PKHD1L1: variants seen among roughly 807,000 people sequenced by gnomAD.
PKHD1L1 encodes the protein fibrocystin-L.
A neutral mutation model predicts 462.9 loss-of-function variants in PKHD1L1; 434 were observed. That is an observed-to-expected ratio of 0.94 (90% CI 0.87 to 1.02). The LOEUF is 1.02. Among genes scored for constraint, PKHD1L1 ranks in the 50% least tolerant of loss-of-function variants. The probability of loss-of-function intolerance (pLI) is 0.00; values close to 1 mark genes in which losing one functional copy is unlikely to be tolerated. For synonymous variants in PKHD1L1, 1,781 were observed against 1,750.0 expected (o/e 1.02, Z -0.44); for missense variants, 5,202 against 5,096.1 (o/e 1.02, Z -0.63).
Position 109,534,319 on chromosome 8 carries a change from C to T in PKHD1L1, c.*4229C>T, listed in dbSNP as rs1821104021. 6.6e-6 allele frequency among the ~76,000 whole-genome samples: 1 copy of T among 152,146 alleles called. No individual in the cohort carries two copies. The highest frequency in any genetic ancestry group is 1.5e-5 in the Non-Finnish European group (1 of 68,024). On this transcript the variant is annotated 3_prime_UTR_variant, in exon 78 of 78. Coordinates refer to ENST00000378402, the MANE Select transcript of PKHD1L1 (RefSeq NM_177531.6). Reference sequence around the variant, plus strand: ...CTACTAAAAATACAAAAAAATTAGCCAGGCATGGTGGCGGGCACCTGTAGT... The same window carrying T: ...CTACTAAAAATACAAAAAAATTAGCTAGGCATGGTGGCGGGCACCTGTAGT...
At position 109,408,081 on chromosome 8, in the gene PKHD1L1, G is replaced by T. The variant is rs868433377; in HGVS notation, c.1846G>T (p.Glu616Ter). Residue 616 changes from glutamate to a stop codon, truncating the protein, a stop_gained, in exon 18 of 78, where the codon GAA (glutamate) becomes TAA (stop). Transcript: ENST00000378402. LOFTEE classifies it high-confidence loss of function. ...TGATCTGCTTGGTTATGAAGTAGTT[G>T]AAGGGAATAATGTCACACTGGATAT... The part of the protein sequence containing the change: ...DFDLLGYEVV[E>*]GNNVTLDITE... 6.2e-7 allele frequency: 1 copy of T among 1,610,396 alleles called. No individual in the cohort carries two copies. The highest frequency in any genetic ancestry group is 1.3e-5 in the African/African-American group (1 of 74,770).
intron 73 of PKHD1L1, among the ~76,000 whole-genome samples, chr8:109,521,189 G>A (rs1400738078): frequency 6.6e-6 from 1 of 152,138 alleles, no homozygotes; most frequent in Non-Finnish European, 1.5e-5. Flanking sequence ...CAGACCTGCT[G>A]GCCCAAGACG....
intron 62 of PKHD1L1, among the ~76,000 whole-genome samples, chr8:109,492,352 G>C (rs1818875312): frequency 1.3e-5 from 2 of 151,684 alleles, no homozygotes; most frequent in South Asian, 4.1e-4. Context: ...GATTCTACAG[G>C]CAAGGTTATT....
chr8:109,477,728 T>C (rs1029640256), intron 53 of PKHD1L1, among the ~76,000 whole-genome samples: 18 of 152,152 alleles, frequency 1.2e-4, no homozygotes, highest in Non-Finnish European at 2.4e-4. Context: ...ATCACAGAGC[T>C]CACTGATGGC....
intron 14 of PKHD1L1, among the ~76,000 whole-genome samples, chr8:109,403,850 G>A (rs371090947): frequency 3.9e-4 from 59 of 152,276 alleles, no homozygotes; most frequent in African/African-American, 1.4e-3. Context: ...CTCCAAAGAT[G>A]TGAGCAATGG....
intron 4 of PKHD1L1, among the ~76,000 whole-genome samples, chr8:109,383,505 T>A (rs1478720109): frequency 3.6e-5 from 5 of 138,004 alleles, no homozygotes; most frequent in Admixed American, 8.2e-5. Flanking sequence ...TATTTATATA[T>A]AAATAGTTTA....
chr8:109,476,745 T>C, intron 52 of PKHD1L1, 78 bp downstream of exon 52: 3 of 1,339,556 alleles, frequency 2.2e-6, no homozygotes, highest in South Asian at 2.8e-5. Flanking sequence ...AATAAGCAAA[T>C]GTGTTGTGCA....
In PKHD1L1 at chr8:109,394,457, T is replaced by C; in HGVS notation, c.783T>C (p.Asn261=). ...QKMAYFVSSL[N]KIAMFQTYAE... ...TGGCATATTTTGTTTCTTCTCTCAATAAAATTGCAATGTTTCAAACATATG... is the reference window on the plus strand; with the variant it reads ...TGGCATATTTTGTTTCTTCTCTCAACAAAATTGCAATGTTTCAAACATATG... The change falls in exon 10 of 78, where the codon AAT becomes AAC. Residue 261 remains asparagine (N), a synonymous_variant. Coordinates refer to ENST00000378402, the MANE Select transcript of PKHD1L1 (RefSeq NM_177531.6). 6.5e-7 allele frequency: 1 copy of C among 1,531,172 alleles called. No homozygotes were observed. Among genetic ancestry groups the C allele is most frequent in the Non-Finnish European group, 8.8e-7 (1 of 1,134,952 alleles). 94.8% of individuals were successfully genotyped at this position (1,531,172 alleles called of 1,614,324 possible).
intron 21 of PKHD1L1, 81 bp downstream of exon 21, chr8:109,413,626 G>GT: frequency 8.2e-7 from 1 of 1,226,372 alleles, no homozygotes; most frequent in Non-Finnish European, 1.0e-6. Context: ...ATTTCTTGGG[G>GT]TTTTTTGTTT....
chr8:109,515,866 C>T (rs1459585273), intron 72 of PKHD1L1, among the ~76,000 whole-genome samples: 1 of 152,064 alleles, frequency 6.6e-6, no homozygotes, highest in Admixed American at 6.6e-5. Flanking sequence ...TTTTGTTAAA[C>T]AGGGTTCTAA....
chr8:109,430,457 C>G (rs1016977884), intron 27 of PKHD1L1, among the ~76,000 whole-genome samples: 1 of 152,054 alleles, frequency 6.6e-6, no homozygotes, highest in African/African-American at 2.4e-5. Context: ...AAGACATCTG[C>G]TGTTTCATAA....
intron 50 of PKHD1L1, among the ~76,000 whole-genome samples, chr8:109,469,400 C>T (rs993306826): frequency 6.6e-6 from 1 of 152,108 alleles, no homozygotes; most frequent in East Asian, 1.9e-4. Context: ...AAGAGCCCAC[C>T]AATATCCCCC....
At position 109,444,787 on chromosome 8, in the gene PKHD1L1, C is replaced by T; in HGVS notation, c.4918C>T (p.Leu1640=). 1.2e-6 allele frequency: 2 copies of T among 1,614,004 alleles called. No homozygotes were observed. The highest frequency in any genetic ancestry group is 1.7e-6 in the Non-Finnish European group (2 of 1,179,896). The change falls in exon 38 of 78, where the codon CTG becomes TTG. Residue 1640 remains leucine, a synonymous_variant. Transcript: ENST00000378402. ...RETVTLTVYN[L]GTAINTLSNE... is the part of the protein sequence containing the mutation. ...AACTGTCACTTTGACTGTCTACAAC[C>T]TGGGCACTGCTATCAATACGTTGTC...
At chr8:109,478,254 A>G (rs1016859262) in intron 53 of PKHD1L1, among the ~76,000 whole-genome samples, 1 of 152,178 alleles carries the variant, frequency 6.6e-6, no homozygotes, top group Non-Finnish European at 1.5e-5. Context: ...TATTCATTCA[A>G]CCACTAAAAA....
intron 38 of PKHD1L1, among the ~76,000 whole-genome samples, chr8:109,447,082 G>A (rs766719750): frequency 6.6e-6 from 1 of 152,028 alleles, no homozygotes; most frequent in Non-Finnish European, 1.5e-5. Flanking sequence ...AATTAGCCAG[G>A]CATGGCGGCA....
Position 109,382,362 on chromosome 8 carries a change from G to C in PKHD1L1, c.309-101G>C, listed in dbSNP as rs991891737. ...TCAGTTACGACGTTGGACACTTTCT[G>C]TCAAAAATAGCCTGCAGTCTGGGGC... On this transcript the variant is annotated intron_variant, in intron 3 of 77. Coordinates refer to ENST00000378402, the MANE Select transcript of PKHD1L1 (RefSeq NM_177531.6). 30 of 927,250 alleles carry C rather than the reference G, an allele frequency of 3.2e-5. No individual in the cohort carries two copies. The African/African-American group carries it at 5.0e-4, about 15-fold the overall frequency. The allele number at this position is 927,250 out of a possible 1,614,324, so 57.4% of individuals were successfully genotyped here.
At chr8:109,445,683 T>C (rs967165305) in intron 38 of PKHD1L1, 38 bp downstream of exon 38, 30 of 1,479,936 alleles carry the variant, frequency 2.0e-5, no homozygotes, top group Non-Finnish European at 2.7e-5. Context: ...GATATTATAG[T>C]ATCGATAATA....
intron 14 of PKHD1L1, among the ~76,000 whole-genome samples, chr8:109,403,516 A>T (rs1813377692): frequency 6.6e-6 from 1 of 152,196 alleles, no homozygotes; most frequent in Non-Finnish European, 1.5e-5. Flanking sequence ...TAGCACAAAG[A>T]AAGTGCCCAA....
At chr8:109,378,962 T>C (rs1304675922) in intron 2 of PKHD1L1, among the ~76,000 whole-genome samples, 1 of 152,062 alleles carries the variant, frequency 6.6e-6, no homozygotes, top group East Asian at 1.9e-4. Flanking sequence ...AATAAACAGA[T>C]GGATTGGATG....
Sources: allele counts gnomAD v4.1 joint callset (sites outside exome capture counted in the v4.1 genomes callset), GRCh38; gene constraint gnomAD v4.1.1; transcripts MANE v1.5; gene names NCBI Gene and HGNC (gene_info 2026-07-23, HGNC 2026-07-21).